The following CLNK variants were observed in gnomAD, a reference collection of about 807,000 sequenced individuals.
The protein encoded by CLNK is cytokine-dependent hematopoietic cell linker.
A neutral mutation model predicts 68.6 loss-of-function variants in CLNK; 74 were observed. The ratio of observed to expected loss-of-function variants is 1.08; its 90% CI spans 0.89 to 1.31. CLNK has a LOEUF of 1.31. CLNK is among the 50% of genes most tolerant of loss of function. CLNK has a pLI of 0.00. For missense variants in CLNK, 553 were observed against 515.3 expected, an observed-to-expected ratio of 1.07 and a Z score of -0.71; for synonymous variants, 198 against 172.2, an observed-to-expected ratio of 1.15 and a Z score of -1.17.
chr4:10,592,043 C>G (rs1228808150), intron 3 of CLNK, among the ~76,000 whole-genome samples: 10 of 152,230 alleles, frequency 6.6e-5, no homozygotes, highest in Non-Finnish European at 1.3e-4. Flanking sequence ...CTCCTCAGAC[C>G]CTGCCCTGCC....
chr4:10,567,509 T>C (rs1720168247), intron 5 of CLNK, among the ~76,000 whole-genome samples: 1 of 152,206 alleles, frequency 6.6e-6, no homozygotes, highest in Non-Finnish European at 1.5e-5. Flanking sequence ...TAAATCTTCA[T>C]TTCTTGGCTT....
At chr4:10,723,835 C>T in the CLNK span, among the ~76,000 whole-genome samples, 2 of 102,900 alleles carry the variant, frequency 1.9e-5, no homozygotes, top group African/African-American at 3.1e-5. Flanking sequence ...TCTGTGTTCA[C>T]TGAAATGCTA....
intron 2 of CLNK, among the ~76,000 whole-genome samples, chr4:10,655,016 G>A (rs930801842): frequency 5.3e-5 from 8 of 150,866 alleles, no homozygotes; most frequent in African/African-American, 9.8e-5. Flanking sequence ...CAGGAGAATG[G>A]CGTGAATCCA....
At chr4:10,693,504 G>A in the CLNK span, among the ~76,000 whole-genome samples, 3 of 152,190 alleles carry the variant, frequency 2.0e-5, no homozygotes, top group African/African-American at 2.4e-5. Context: ...GAATGCCTAG[G>A]GCTGCCAGAA....
At chr4:10,564,816 G>T in intron 6 of CLNK, 39 bp from the exon 7 acceptor site, 4 of 1,200,000 alleles carry the variant, frequency 3.3e-6, no homozygotes, top group Non-Finnish European at 5.0e-6. Context: ...TACCTTACGT[G>T]GACTCAGCAC....
chr4:10,706,841 C>T, the CLNK span, among the ~76,000 whole-genome samples: 1 of 152,148 alleles, frequency 6.6e-6, no homozygotes, highest in African/African-American at 2.4e-5. Context: ...GAAAGGACCA[C>T]CCTCTTGGCC....
At chr4:10,679,539 C>G (rs1453463356) in intron 1 of CLNK, among the ~76,000 whole-genome samples, 1 of 152,076 alleles carries the variant, frequency 6.6e-6, no homozygotes, top group East Asian at 1.9e-4. Context: ...CTAAAGAGCT[C>G]CTGCACTGCA....
upstream of CLNK, among the ~76,000 whole-genome samples, chr4:10,687,480 G>A (rs960972088): frequency 9.2e-5 from 14 of 151,430 alleles, no homozygotes; most frequent in Non-Finnish European, 1.8e-4. Flanking sequence ...AAGGAAGGAA[G>A]GAAGAAACAA....
intron 2 of CLNK, among the ~76,000 whole-genome samples, chr4:10,655,100 CGA>C (rs1491471752): frequency 3.7e-4 from 30 of 80,472 alleles, no homozygotes; most frequent in Non-Finnish European, 6.3e-4. Flanking sequence ...GACACCGACT[CGA>C]AAAAAAAAAA....
At chr4:10,634,366 T>G (rs1284328457) in intron 2 of CLNK, among the ~76,000 whole-genome samples, 1 of 152,220 alleles carries the variant, frequency 6.6e-6, no homozygotes, top group Non-Finnish European at 1.5e-5. Context: ...CCCCACTGTT[T>G]CCCAGCTTCC....
At chr4:10,642,495 G>A (rs1723346705) in intron 2 of CLNK, among the ~76,000 whole-genome samples, 1 of 152,194 alleles carries the variant, frequency 6.6e-6, no homozygotes, top group South Asian at 2.1e-4. Flanking sequence ...TCTAGGCAGA[G>A]TGGACCATAA....
At chr4:10,515,547 A>G (rs983417799) in intron 15 of CLNK, among the ~76,000 whole-genome samples, 13 of 152,044 alleles carry the variant, frequency 8.6e-5, no homozygotes, top group African/African-American at 1.9e-4. Flanking sequence ...TCCGACTTGG[A>G]TATTTGACAG....
At chr4:10,665,283 T>C (rs922901359) in intron 2 of CLNK, among the ~76,000 whole-genome samples, 1 of 152,190 alleles carries the variant, frequency 6.6e-6, no homozygotes, top group Admixed American at 6.5e-5. Context: ...ACCAACTCCC[T>C]GGCTAAAAGA....
intron 18 of CLNK, among the ~76,000 whole-genome samples, chr4:10,496,244 T>C (rs1165017141): frequency 6.6e-6 from 1 of 152,256 alleles, no homozygotes; most frequent in African/African-American, 2.4e-5. Context: ...TTGAAGATGC[T>C]GTTTCTCATT....
chr4:10,708,138 A>G, the CLNK span, among the ~76,000 whole-genome samples: 1 of 152,234 alleles, frequency 6.6e-6, no homozygotes, highest in Non-Finnish European at 1.5e-5. Context: ...ACAGTATTCA[A>G]TATTGAAGTC....
intron 11 of CLNK, among the ~76,000 whole-genome samples, chr4:10,540,057 G>A (rs1718950987): frequency 1.3e-5 from 2 of 152,162 alleles, no homozygotes; most frequent in South Asian, 2.1e-4. Context: ...CCCACCCAAA[G>A]CTCATCTTTA....
At chr4:10,714,612 A>C in the CLNK span, among the ~76,000 whole-genome samples, 1 of 152,106 alleles carries the variant, frequency 6.6e-6, no homozygotes, top group Non-Finnish European at 1.5e-5. Flanking sequence ...TCAGGACAGC[A>C]GCTGGTATAT....
upstream of CLNK, among the ~76,000 whole-genome samples, chr4:10,685,979 T>C (rs1399670094): frequency 6.6e-6 from 1 of 152,158 alleles, no homozygotes; most frequent in Middle Eastern, 3.2e-3. Context: ...ATATTAATTT[T>C]CTGGGGTTTT....
chr4:10,501,547 GTTT>G, intron 17 of CLNK, 136 bp from the exon 18 acceptor site: 1 of 807,336 alleles, frequency 1.2e-6, no homozygotes, highest in Non-Finnish European at 1.9e-6. Flanking sequence ...AATTCAGTAA[GTTT>G]TTACTGAGTG....
Sources: gnomAD v4.1 joint callset for allele counts (sites outside exome capture counted in the v4.1 genomes callset) on GRCh38, gnomAD v4.1.1 for gene constraint, MANE v1.5 for transcripts, NCBI Gene and HGNC (gene_info 2026-07-23, HGNC 2026-07-21) for gene names.